TTC7B: variants seen among roughly 807,000 people sequenced by gnomAD.
TTC7B encodes the protein tetratricopeptide repeat protein 7B.
A neutral mutation model predicts 106.8 loss-of-function variants in TTC7B; 28 were observed. The observed-to-expected ratio is 0.26, with a 90% CI of 0.19 to 0.36. TTC7B has a LOEUF of 0.36. Among genes scored for constraint, TTC7B ranks in the 10% least tolerant of loss-of-function variants. The pLI is 1.00. For synonymous variants in TTC7B, 405 were observed against 430.6 expected (o/e 0.94, Z 0.74); for missense variants, 862 against 1,076.4 (o/e 0.80, Z 2.79).
intron 3 of TTC7B, among the ~76,000 whole-genome samples, chr14:90,771,787 T>G (rs930743769): frequency 6.6e-6 from 1 of 151,334 alleles, no homozygotes; most frequent in South Asian, 2.1e-4. Flanking sequence ...ATATAATGCG[T>G]GTGTGTGCAC....
intron 9 of TTC7B, among the ~76,000 whole-genome samples, chr14:90,660,876 G>A (rs925145963): frequency 2.0e-5 from 3 of 152,250 alleles, no homozygotes; most frequent in Admixed American, 1.3e-4. Flanking sequence ...AGTGCTTGGC[G>A]ATGGCACAGG....
chr14:90,718,363 G>A (rs1888743219), intron 5 of TTC7B, among the ~76,000 whole-genome samples: 1 of 152,184 alleles, frequency 6.6e-6, no homozygotes, highest in Admixed American at 6.5e-5. Flanking sequence ...CCAGCTTGAG[G>A]CACTTAATAA....
intron 2 of TTC7B, among the ~76,000 whole-genome samples, chr14:90,783,364 G>A (rs577176257): frequency 1.2e-3 from 176 of 152,336 alleles, no homozygotes; most frequent in African/African-American, 4.1e-3. Flanking sequence ...CCATGCAAAA[G>A]ATGTACGGCT....
chr14:90,808,487 C>T lies in TTC7B; in HGVS notation c.121+7688G>A, dbSNP rs1409287776. On this transcript the variant is annotated intron_variant, in intron 1 of 19. Coordinates refer to ENST00000328459, the MANE Select transcript of TTC7B (RefSeq NM_001010854.2). The surrounding 1 kb of genome is among the most constrained non-coding windows in gnomAD (Gnocchi z 4.2). ...CTGGTGGCCTCTAAAAGGACCAGAC[C>T]AGATCTGCTCTACATGGTTCTGGTG... 6.6e-6 allele frequency among the ~76,000 whole-genome samples: 1 copy of T among 152,168 alleles called. No individual in the cohort carries two copies. Among genetic ancestry groups the T allele is most frequent in the Non-Finnish European group, 1.5e-5 (1 of 68,016 alleles).
At chr14:90,762,143 G>C (rs1890522261) in intron 3 of TTC7B, among the ~76,000 whole-genome samples, 1 of 152,198 alleles carries the variant, frequency 6.6e-6, no homozygotes, top group South Asian at 2.1e-4. Context: ...GCCATAGAGA[G>C]CCAAAACCCA....
At chr14:90,550,371 T>C (rs1390643876) in intron 19 of TTC7B, among the ~76,000 whole-genome samples, 1 of 152,234 alleles carries the variant, frequency 6.6e-6, no homozygotes, top group Non-Finnish European at 1.5e-5. Context: ...TGCATGTAAT[T>C]TGCGTATTTG....
At chr14:90,792,015 T>C (rs965060575) in intron 1 of TTC7B, among the ~76,000 whole-genome samples, 1 of 152,108 alleles carries the variant, frequency 6.6e-6, no homozygotes, top group African/African-American at 2.4e-5. Flanking sequence ...GTCCTCAAGT[T>C]TACCGGTCTC....
At chr14:90,605,765 A>C (rs1298357936) in intron 17 of TTC7B, 3 of 1,249,018 alleles carry the variant, frequency 2.4e-6, no homozygotes, top group Non-Finnish European at 3.1e-6. Context: ...GACACTAAAA[A>C]AGTGAAAGAG....
At chr14:90,772,663 G>A (rs558293150) in intron 3 of TTC7B, 17 of 152,276 alleles carry the variant, frequency 1.1e-4, no homozygotes, top group African/African-American at 3.9e-4. Flanking sequence ...TAAAACACAT[G>A]TATTTTGTCT....
Position 90,652,891 on chromosome 14 carries a change from C to T in TTC7B, c.1467G>A (p.Leu489=), listed in dbSNP as rs771486491. The change falls in exon 13 of 20, where the codon TTG becomes TTA. Residue 489 remains leucine, a synonymous_variant. Transcript: ENST00000328459. ...TCTGTAGGACCTCCTGCATCCCTCGCAAAGAAGCTAAGAAAAGGGTTCAAT... is the reference window on the plus strand; with the variant it reads ...TCTGTAGGACCTCCTGCATCCCTCGTAAAGAAGCTAAGAAAAGGGTTCAAT... The part of the protein sequence containing the change: ...TYSLQATDAS[L]RGMQEVLQRK... The T allele has an allele frequency of 2.5e-6, 4 of 1,614,220 alleles. No individual in the cohort carries two copies. The highest frequency in any genetic ancestry group is 8.5e-7 in the Non-Finnish European group (1 of 1,180,048).
intron 1 of TTC7B, among the ~76,000 whole-genome samples, chr14:90,813,680 T>A (rs1421148978): frequency 1.3e-5 from 2 of 151,904 alleles, no homozygotes; most frequent in Non-Finnish European, 2.9e-5. Flanking sequence ...TTCTTTTTTT[T>A]TTTTTTTCGC....
intron 1 of TTC7B, among the ~76,000 whole-genome samples, chr14:90,806,437 T>C (rs1215100154): frequency 1.3e-5 from 2 of 152,214 alleles, no homozygotes; most frequent in African/African-American, 2.4e-5. Context: ...CCACTATCAC[T>C]GCTGCTGTTA....
intron 3 of TTC7B, among the ~76,000 whole-genome samples, chr14:90,768,021 T>A (rs558760767): frequency 2.0e-4 from 30 of 152,264 alleles, no homozygotes; most frequent in African/African-American, 7.0e-4. Context: ...CACATTATAG[T>A]AAAACTTTTG....
chr14:90,675,873 A>G (rs934771290), intron 9 of TTC7B: 1 of 152,170 alleles, frequency 6.6e-6, no homozygotes, highest in Non-Finnish European at 1.5e-5. Context: ...TAGCCTTACC[A>G]TGGTAGAATT....
chr14:90,696,585 T>G (rs1031863785), intron 5 of TTC7B, among the ~76,000 whole-genome samples: 5 of 152,166 alleles, frequency 3.3e-5, no homozygotes. Flanking sequence ...TAAATCAAAC[T>G]GAATGTGGGT....
At chr14:90,623,328 T>A (rs1270050581) in intron 15 of TTC7B, among the ~76,000 whole-genome samples, 1 of 152,160 alleles carries the variant, frequency 6.6e-6, no homozygotes, top group African/African-American at 2.4e-5. Flanking sequence ...GTTAAGTAAT[T>A]TGCCCAAATT....
chr14:90,760,995 T>C (rs1273726201), intron 3 of TTC7B, among the ~76,000 whole-genome samples: 1 of 152,186 alleles, frequency 6.6e-6, no homozygotes, highest in Non-Finnish European at 1.5e-5. Flanking sequence ...TGAAATCGCC[T>C]TTGCAAAAAT....
At chr14:90,597,112 T>C (rs1423849157) in intron 17 of TTC7B, among the ~76,000 whole-genome samples, 6 of 152,200 alleles carry the variant, frequency 3.9e-5, no homozygotes, top group African/African-American at 1.4e-4. Flanking sequence ...AGAAATAATG[T>C]TTTTCTTCCT....
chr14:90,574,997 C>T (rs1891200747), intron 19 of TTC7B, among the ~76,000 whole-genome samples: 1 of 152,198 alleles, frequency 6.6e-6, no homozygotes, highest in Admixed American at 6.5e-5. Flanking sequence ...CCTGGCCTCC[C>T]TGGCCTCCCC....
Sources: gnomAD v4.1 joint callset for allele counts (sites outside exome capture counted in the v4.1 genomes callset) on GRCh38, gnomAD v4.1.1 for gene constraint, Gnocchi (gnomAD v3.1) non-coding constraint, MANE v1.5 for transcripts, NCBI Gene and HGNC (gene_info 2026-07-23, HGNC 2026-07-21) for gene names.